PDE3A: variants seen among roughly 807,000 people sequenced by gnomAD.
PDE3A encodes the protein phosphodiesterase 3A, also known as cGMP-inhibited 3',5'-cyclic phosphodiesterase 3A.
Under a neutral mutation model 98.3 loss-of-function variants are expected in PDE3A, and 43 were observed. The ratio of observed to expected loss-of-function variants is 0.44; its 90% CI spans 0.34 to 0.56. The LOEUF (loss-of-function observed/expected upper bound fraction) is 0.56. Among genes scored for constraint, PDE3A ranks in the 20% least tolerant of loss-of-function variants. PDE3A has a pLI of 0.01. For missense variants in PDE3A, 1,427 were observed against 1,440.7 expected (o/e 0.99, Z 0.15); for synonymous variants, 663 against 567.9 (o/e 1.17, Z -2.38).
intron 3 of PDE3A, 114 bp from the exon 4 acceptor site, chr12:20,616,116 C>A: frequency 1.1e-6 from 1 of 902,408 alleles, no homozygotes; most frequent in Non-Finnish European, 1.6e-6. Context: ...GATATTAAAC[C>A]AATGTAATTT....
chr12:20,384,220 C>T (rs1489702820), intron 1 of PDE3A, among the ~76,000 whole-genome samples: 1 of 146,964 alleles, frequency 6.8e-6, no homozygotes, highest in Non-Finnish European at 1.5e-5. Context: ...TATCTTCTGC[C>T]TACACCTTCC....
intron 2 of PDE3A, among the ~76,000 whole-genome samples, chr12:20,605,187 C>A (rs1248986369): frequency 6.6e-6 from 1 of 152,138 alleles, no homozygotes; most frequent in East Asian, 1.9e-4. Context: ...ACAAATATAA[C>A]AGGCCTAAAG....
rs139803774 is a variant in PDE3A, at chr12:20,526,545, T to C, written c.961-30115T>C. On this transcript the variant is annotated intron_variant, in intron 1 of 15. Coordinates refer to ENST00000359062, the MANE Select transcript of PDE3A (RefSeq NM_000921.5). ...AATATGCCTTCTAAACCTCTAAGCATCTGGAAGCAGAGATCCATGTTCTGT... is the reference window on the plus strand; with the variant it reads ...AATATGCCTTCTAAACCTCTAAGCACCTGGAAGCAGAGATCCATGTTCTGT... Among the ~76,000 whole-genome samples the C allele has an allele frequency of 3.5e-4, 54 of 152,242 alleles. 2 individuals are homozygous for C. The East Asian group carries it at 0.01, about 29-fold the overall frequency.
chr12:20,396,223 G>A (rs987793344), intron 1 of PDE3A, among the ~76,000 whole-genome samples: 1 of 152,058 alleles, frequency 6.6e-6, no homozygotes, highest in African/African-American at 2.4e-5. Flanking sequence ...AATTTATAAG[G>A]TTACCCCTTT....
chr12:20,562,519 CT>C (rs11309986), intron 2 of PDE3A, among the ~76,000 whole-genome samples: 144,457 of 149,148 alleles, frequency 0.97, 69,992 homozygotes, highest in East Asian at 0.99. Context: ...TGCCCAGCTG[CT>C]TTTTTTTTTT....
At chr12:20,481,764 ATT>A (rs10657239) in intron 1 of PDE3A, among the ~76,000 whole-genome samples, 2,608 of 79,506 alleles carry the variant, frequency 0.033, 94 homozygotes, top group African/African-American at 0.13. Context: ...TGGGAAATAG[ATT>A]TTTTTTTTTT....
At chr12:20,516,972 C>T (rs923976866) in intron 1 of PDE3A, among the ~76,000 whole-genome samples, 22 of 152,164 alleles carry the variant, frequency 1.4e-4, no homozygotes, top group African/African-American at 5.1e-4. Flanking sequence ...TCTTGTTTTA[C>T]CCCTCTTTGT....
intron 1 of PDE3A, among the ~76,000 whole-genome samples, chr12:20,494,117 T>A (rs1945876236): frequency 6.6e-6 from 1 of 152,224 alleles, no homozygotes; most frequent in African/African-American, 2.4e-5. Context: ...GTTTTGTGTA[T>A]TTTGAGTCAT....
At chr12:20,398,050 T>G (rs1198639537) in intron 1 of PDE3A, among the ~76,000 whole-genome samples, 121 of 126,234 alleles carry the variant, frequency 9.6e-4, no homozygotes, top group Non-Finnish European at 1.2e-3. Flanking sequence ...TTTTTTTTTT[T>G]GTTTTTTTTT....
chr12:20,448,715 T>C lies in PDE3A; in HGVS notation c.960+78471T>C, dbSNP rs1028635676. ...ACTAAAAAATTTTATTTGTAAAGGG[T>C]AACCTGCGTTACATTATTTAAAGTT... is the stretch of plus-strand genomic sequence containing the variant. On this transcript the variant is annotated intron_variant, in intron 1 of 15. Coordinates refer to ENST00000359062, the MANE Select transcript of PDE3A (RefSeq NM_000921.5). Among the ~76,000 whole-genome samples, 81 of 151,612 alleles carry C rather than the reference T, an allele frequency of 5.3e-4. 1 individual carries two copies. Among genetic ancestry groups the C allele is most frequent in the Non-Finnish European group, 1.5e-4 (10 of 67,908 alleles).
rs1945823524 is a variant in PDE3A, at chr12:20,682,698, A to G, written c.*2427A>G. The G allele has an allele frequency of 6.6e-6, 1 of 152,172 alleles. No individual in the cohort carries two copies. The highest frequency in any genetic ancestry group is 1.5e-5 in the Non-Finnish European group (1 of 68,022). The allele number at this position is 152,172 out of a possible 1,614,324, so 9.4% of individuals were successfully genotyped here. A position where few individuals can be genotyped will look rare whatever the true frequency, so the allele number is the denominator to read the frequency against. On this transcript the variant is annotated 3_prime_UTR_variant, in exon 16 of 16. Coordinates refer to ENST00000359062, the MANE Select transcript of PDE3A (RefSeq NM_000921.5). ...AAGTCAAATTTTGCCAGTGAATTTA[A>G]CTATTTTTCTTTCCTTGCAATTAAG... is the stretch of plus-strand genomic sequence containing the variant.
chr12:20,678,411 C>A (rs111309270), intron 15 of PDE3A, among the ~76,000 whole-genome samples: 1 of 152,142 alleles, frequency 6.6e-6, no homozygotes, highest in African/African-American at 2.4e-5. Context: ...GTACCAGATG[C>A]CTCTAGCCTA....
intron 2 of PDE3A, among the ~76,000 whole-genome samples, chr12:20,603,404 A>G (rs1044729650): frequency 2.0e-5 from 3 of 152,178 alleles, no homozygotes; most frequent in Non-Finnish European, 4.4e-5. Flanking sequence ...ATATTAACTG[A>G]AACCAGGACT....
chr12:20,533,692 G>T (rs1227953850), intron 1 of PDE3A, among the ~76,000 whole-genome samples: 1 of 151,626 alleles, frequency 6.6e-6, no homozygotes, highest in Non-Finnish European at 1.5e-5. Flanking sequence ...GTGTTAGCCA[G>T]GATGGTCTCG....
chr12:20,443,766 A>T (rs919109746), intron 1 of PDE3A, among the ~76,000 whole-genome samples: 4 of 152,226 alleles, frequency 2.6e-5, no homozygotes, highest in African/African-American at 9.6e-5. Flanking sequence ...AAAGAGAAAT[A>T]GGTATTATTC....
intron 1 of PDE3A, among the ~76,000 whole-genome samples, chr12:20,442,776 T>C (rs535811031): frequency 1.3e-5 from 2 of 152,350 alleles, no homozygotes; most frequent in South Asian, 2.1e-4. Flanking sequence ...AAAATCATTA[T>C]CTCAGTTGAA....
chr12:20,647,816 C>A (rs1007993961), intron 12 of PDE3A, among the ~76,000 whole-genome samples: 2 of 151,746 alleles, frequency 1.3e-5, no homozygotes, highest in African/African-American at 4.8e-5. Flanking sequence ...TTTCATACAC[C>A]AGAATTATTT....
chr12:20,513,052 A>G (rs1318970260), intron 1 of PDE3A, among the ~76,000 whole-genome samples: 2 of 152,042 alleles, frequency 1.3e-5, no homozygotes, highest in East Asian at 1.9e-4. Flanking sequence ...GATGTTGTCA[A>G]AGGCCTGCTC....
intron 1 of PDE3A, among the ~76,000 whole-genome samples, chr12:20,530,465 A>C (rs1946603968): frequency 6.6e-6 from 1 of 151,464 alleles, no homozygotes; most frequent in Non-Finnish European, 1.5e-5. Context: ...GAGTCTGTGA[A>C]TATATATTAA....
Sources: allele counts gnomAD v4.1 joint callset (sites outside exome capture counted in the v4.1 genomes callset), GRCh38; gene constraint gnomAD v4.1.1; transcripts MANE v1.5; gene names NCBI Gene and HGNC (gene_info 2026-07-23, HGNC 2026-07-21).